Variants in BMP5 observed in about 807,000 individuals in gnomAD.
The protein encoded by BMP5 is bone morphogenetic protein 5.
BMP5 carries 23 observed loss-of-function variants against 46.6 expected under a neutral mutation model. The observed-to-expected ratio is 0.49, with a 90% CI of 0.35 to 0.70. BMP5 has a LOEUF of 0.70. Among genes scored for constraint, BMP5 ranks in the 30% least tolerant of loss-of-function variants. BMP5 has a pLI of 0.00. For missense variants in BMP5, 545 were observed against 565.6 expected (o/e 0.96, Z 0.37); for synonymous variants, 204 against 191.9 (o/e 1.06, Z -0.52).
chr6:55,817,786 C>T (rs963439060), intron 2 of BMP5, among the ~76,000 whole-genome samples: 2 of 151,926 alleles, frequency 1.3e-5, no homozygotes, highest in Non-Finnish European at 2.9e-5. Context: ...AAGAAATCTG[C>T]CTCAGAACTG....
At chr6:55,806,449 C>T (rs1412924990) in intron 2 of BMP5, among the ~76,000 whole-genome samples, 1 of 152,100 alleles carries the variant, frequency 6.6e-6, no homozygotes, top group Non-Finnish European at 1.5e-5. Flanking sequence ...GGTAGCAGTG[C>T]CATGCTGTTT....
At chr6:55,837,407 G>A (rs943495118) in intron 1 of BMP5, among the ~76,000 whole-genome samples, 1 of 149,372 alleles carries the variant, frequency 6.7e-6, no homozygotes, top group African/African-American at 2.5e-5. Flanking sequence ...TAGGCAGGCA[G>A]ACAGACAGAC....
At chr6:55,830,140 T>A (rs1045465093) in intron 1 of BMP5, among the ~76,000 whole-genome samples, 5 of 152,094 alleles carry the variant, frequency 3.3e-5, no homozygotes, top group Non-Finnish European at 7.4e-5. Flanking sequence ...TAGCACATTA[T>A]TAAAATGGTG....
chr6:55,803,474 A>G (rs1424763475), intron 2 of BMP5, among the ~76,000 whole-genome samples: 2 of 152,156 alleles, frequency 1.3e-5, no homozygotes, highest in Non-Finnish European at 1.5e-5. Flanking sequence ...GGCTGCTTTG[A>G]AGTTAGCCAT....
chr6:55,810,065 G>T (rs1197831920), intron 2 of BMP5, among the ~76,000 whole-genome samples: 3 of 152,012 alleles, frequency 2.0e-5, no homozygotes, highest in Non-Finnish European at 4.4e-5. Flanking sequence ...ATTAATAATG[G>T]TAAATTCTAG....
At chr6:55,827,844 A>G (rs908622243) in intron 1 of BMP5, among the ~76,000 whole-genome samples, 1 of 151,866 alleles carries the variant, frequency 6.6e-6, no homozygotes, top group Non-Finnish European at 1.5e-5. Context: ...ACAGATTTCA[A>G]TGACACTATG....
At chr6:55,839,419 C>T (rs1776897779) in intron 1 of BMP5, among the ~76,000 whole-genome samples, 1 of 152,078 alleles carries the variant, frequency 6.6e-6, no homozygotes, top group South Asian at 2.1e-4. Context: ...TGAGCTCAAG[C>T]AATCCTCTCA....
chr6:55,772,937 A>G (rs1775081457), intron 4 of BMP5: 1 of 984,542 alleles, frequency 1.0e-6, no homozygotes. Flanking sequence ...CAAACAAATA[A>G]AGGTCGTCAT....
At chr6:55,775,290 A>G (rs1775149848) in intron 3 of BMP5, among the ~76,000 whole-genome samples, 1 of 151,958 alleles carries the variant, frequency 6.6e-6, no homozygotes, top group South Asian at 2.1e-4. Flanking sequence ...AGTAGTTTCC[A>G]TGCATTATTT....
chr6:55,821,764 C>A, intron 1 of BMP5, among the ~76,000 whole-genome samples: 1 of 152,130 alleles, frequency 6.6e-6, no homozygotes, highest in East Asian at 1.9e-4. Flanking sequence ...CCTCCTTCCT[C>A]TCCCTTTTGT....
At chr6:55,826,321 T>C (rs16887210) in intron 1 of BMP5, among the ~76,000 whole-genome samples, 3,957 of 151,890 alleles carry the variant, frequency 0.026, 163 homozygotes, top group African/African-American at 0.088. Context: ...CTCATAAATA[T>C]TTCATGAATA....
chr6:55,770,416 T>C (rs897710001), intron 4 of BMP5, among the ~76,000 whole-genome samples: 2 of 151,944 alleles, frequency 1.3e-5, no homozygotes, highest in East Asian at 1.9e-4. Flanking sequence ...TCAGCCTTCA[T>C]AGAATTGAGG....
At chr6:55,764,685 CAAAT>C (rs751303246) in intron 4 of BMP5, among the ~76,000 whole-genome samples, 76 of 143,356 alleles carry the variant, frequency 5.3e-4, no homozygotes, top group African/African-American at 1.0e-3. Flanking sequence ...CACAGAGAGA[CAAAT>C]AACCCCTGTT....
chr6:55,831,351 A>G (rs1332761788), intron 1 of BMP5, among the ~76,000 whole-genome samples: 2 of 152,136 alleles, frequency 1.3e-5, no homozygotes, highest in African/African-American at 4.8e-5. Context: ...ATAGCTGAGA[A>G]AATTCTCCAC....
chr6:55,819,382 A>G (rs1417418693), intron 2 of BMP5, among the ~76,000 whole-genome samples: 2 of 152,198 alleles, frequency 1.3e-5, no homozygotes, highest in Non-Finnish European at 2.9e-5. Context: ...ACAACTTTAC[A>G]AAATGAGACA....
chr6:55,788,184 C>A (rs1423970592), intron 3 of BMP5, among the ~76,000 whole-genome samples: 1 of 151,642 alleles, frequency 6.6e-6, no homozygotes, highest in East Asian at 1.9e-4. Flanking sequence ...TGTTGGCCAG[C>A]CTTTAATAAA....
intron 2 of BMP5, among the ~76,000 whole-genome samples, chr6:55,797,169 C>A (rs1453600391): frequency 2.0e-5 from 3 of 152,014 alleles, no homozygotes; most frequent in African/African-American, 7.3e-5. Flanking sequence ...ATAGCAGGTT[C>A]TTAAAAACAA....
chr6:55,793,716 G>A (rs760564846), intron 3 of BMP5, among the ~76,000 whole-genome samples: 7 of 152,138 alleles, frequency 4.6e-5, no homozygotes, highest in Non-Finnish European at 1.0e-4. Flanking sequence ...ATTGCAATAT[G>A]TAAAGAACTA....
At chr6:55,773,130 C>T (rs1313696387) in intron 4 of BMP5, among the ~76,000 whole-genome samples, 1 of 151,870 alleles carries the variant, frequency 6.6e-6, no homozygotes, top group Admixed American at 6.6e-5. Context: ...CTTATTAGTT[C>T]ATCCATCATG....
Sources: allele counts gnomAD v4.1 joint callset (sites outside exome capture counted in the v4.1 genomes callset), GRCh38; gene constraint gnomAD v4.1.1; transcripts MANE v1.5; gene names NCBI Gene and HGNC (gene_info 2026-07-23, HGNC 2026-07-21).